Variants in TUNAR observed in about 807,000 individuals in gnomAD.
TUNAR encodes the protein protein TUNAR.
intron 2 of TUNAR, among the ~76,000 whole-genome samples, chr14:95,901,566 G>A (rs1326426126): frequency 6.6e-6 from 1 of 152,232 alleles, no homozygotes; most frequent in Non-Finnish European, 1.5e-5. Flanking sequence ...AGGGTTGACA[G>A]CCCTGGCGCC....
rs532058963 is a variant in TUNAR at position 95,916,957 on chromosome 14, A to G, written c.13-5824A>G. Among the ~76,000 whole-genome samples, 16 of 152,240 alleles carry G rather than the reference A, an allele frequency of 1.1e-4. No homozygotes were observed. The South Asian group carries it at 2.5e-3, about 24-fold the overall frequency. ...TTGCCCAGTTTTCTACTGGATATTT[A>G]TCATTTTCCTACTCATTTGAGACTA... On this transcript the variant is annotated intron_variant, in intron 2 of 2. Coordinates refer to ENST00000678517, the Ensembl canonical transcript of TUNAR.
intron 2 of TUNAR, among the ~76,000 whole-genome samples, chr14:95,886,579 C>T (rs1889080699): frequency 6.6e-6 from 1 of 152,234 alleles, no homozygotes. Flanking sequence ...GCATCCCGGG[C>T]AGTCAGCCTC....
At chr14:95,886,278 G>T (rs1413093614) in intron 2 of TUNAR, among the ~76,000 whole-genome samples, 1 of 152,222 alleles carries the variant, frequency 6.6e-6, no homozygotes, top group East Asian at 1.9e-4. Context: ...TGGAATCAAG[G>T]CGTGTGCCAC....
At chr14:95,919,367 A>G (rs1276982869) in intron 2 of TUNAR, among the ~76,000 whole-genome samples, 1 of 152,242 alleles carries the variant, frequency 6.6e-6, no homozygotes, top group African/African-American at 2.4e-5. Context: ...TAAAAACTGT[A>G]GTTAAAACAT....
intron 2 of TUNAR, among the ~76,000 whole-genome samples, chr14:95,880,904 T>G (rs974092542): frequency 6.6e-5 from 10 of 152,198 alleles, no homozygotes; most frequent in Non-Finnish European, 1.3e-4. Context: ...AAGTAGACAT[T>G]GTGAACCCTG....
intron 2 of TUNAR, among the ~76,000 whole-genome samples, chr14:95,903,506 C>G (rs1438925221): frequency 6.6e-6 from 1 of 152,216 alleles, no homozygotes; most frequent in African/African-American, 2.4e-5. Context: ...TTGTTCTGCT[C>G]GCAGAGTTCT....
intron 2 of TUNAR, among the ~76,000 whole-genome samples, chr14:95,883,379 C>G (rs1250246693): frequency 2.0e-5 from 3 of 152,222 alleles, no homozygotes; most frequent in African/African-American, 7.2e-5. Flanking sequence ...CTGGTCCCGT[C>G]TGGTTACTAG....
rs78151109 is a variant in TUNAR, at chr14:95,891,109, C to T, written c.12+13932C>T. Among the ~76,000 whole-genome samples, 477 of 152,370 alleles carry T rather than the reference C, an allele frequency of 3.1e-3. 4 individuals are homozygous for T. Among genetic ancestry groups the T allele is most frequent in the African/African-American group, 0.011 (446 of 41,588 alleles). ...GCCACGTGGAGGTCGAACTAACATT[C>T]GCAAATTAGAAATCTGTGTTGGCAA... On this transcript the variant is annotated intron_variant, in intron 2 of 2. Coordinates refer to ENST00000678517, the Ensembl canonical transcript of TUNAR.
In TUNAR at chr14:95,895,774, C is replaced by G. The variant is rs573768220; in HGVS notation, c.12+18597C>G. ...TGAACCACAGCACGTGCTGTTGCCC[C>G]CACTGGAACACTCTCCCGCTTCTCT... On this transcript the variant is annotated intron_variant, in intron 2 of 2. Transcript: ENST00000678517. The surrounding 1 kb of genome is among the most constrained non-coding windows in gnomAD (Gnocchi z 4.5). 6.6e-6 allele frequency: 1 copy of G among 152,488 alleles called. No homozygotes were observed. Among genetic ancestry groups the G allele is most frequent in the South Asian group, 2.1e-4 (1 of 4,818 alleles). The allele number at this position is 152,488 out of a possible 1,614,324, so 9.4% of individuals were successfully genotyped here.
chr14:95,905,647 C>A (rs1429988972), intron 2 of TUNAR, among the ~76,000 whole-genome samples: 1 of 152,176 alleles, frequency 6.6e-6, no homozygotes, highest in Non-Finnish European at 1.5e-5. Context: ...GTCTTTTCTT[C>A]GTAATTGATA....
intron 2 of TUNAR, among the ~76,000 whole-genome samples, chr14:95,882,166 A>G (rs1888990364): frequency 6.6e-6 from 1 of 152,238 alleles, no homozygotes; most frequent in Admixed American, 6.5e-5. Context: ...GAGGAATAAC[A>G]TTGCGTGTCC....
intron 2 of TUNAR, among the ~76,000 whole-genome samples, chr14:95,904,960 G>A (rs1595121892): frequency 6.6e-6 from 1 of 152,224 alleles, no homozygotes; most frequent in Non-Finnish European, 1.5e-5. Flanking sequence ...ATTCCACAAG[G>A]GCCCTGGAAG....
At chr14:95,920,048 G>A (rs1292753407) in intron 2 of TUNAR, among the ~76,000 whole-genome samples, 4 of 152,196 alleles carry the variant, frequency 2.6e-5, no homozygotes, top group African/African-American at 7.2e-5. Flanking sequence ...TAAATTTTGG[G>A]TGTAGTGATC....
chr14:95,879,990 C>T (rs1312747738), intron 2 of TUNAR, among the ~76,000 whole-genome samples: 1 of 152,032 alleles, frequency 6.6e-6, no homozygotes, highest in Admixed American at 6.5e-5. Context: ...CACACCTGGA[C>T]TGATCGGAGT....
exon 3 of TUNAR, chr14:95,923,743 C>G (rs1315435389): frequency 1.3e-5 from 2 of 152,182 alleles, no homozygotes; most frequent in Non-Finnish European, 2.9e-5. Flanking sequence ...TCCTCTCTCT[C>G]TGCCTCTTTG....
intron 2 of TUNAR, among the ~76,000 whole-genome samples, chr14:95,920,434 A>C (rs979801226): frequency 6.6e-6 from 1 of 152,142 alleles, no homozygotes; most frequent in Admixed American, 6.5e-5. Context: ...AAAAGCAGGA[A>C]AACCGAACGA....
chr14:95,892,221 T>A (rs546462235), intron 2 of TUNAR, among the ~76,000 whole-genome samples: 92 of 152,332 alleles, frequency 6.0e-4, no homozygotes, highest in Non-Finnish European at 1.0e-3. Context: ...GTCAGTGTTC[T>A]CCCATCCGTG....
intron 2 of TUNAR, among the ~76,000 whole-genome samples, chr14:95,894,591 A>G (rs1023999822): frequency 2.6e-5 from 4 of 152,146 alleles, no homozygotes; most frequent in Admixed American, 6.5e-5. Context: ...ACTGTTCCCA[A>G]TCGATTGAGA....
chr14:95,915,495 G>C (rs1889588290), intron 2 of TUNAR, among the ~76,000 whole-genome samples: 3 of 152,186 alleles, frequency 2.0e-5, no homozygotes, highest in Non-Finnish European at 4.4e-5. Flanking sequence ...CCAGGATCCA[G>C]ACCCATCCCC....
Sources: gnomAD v4.1 joint callset for allele counts (sites outside exome capture counted in the v4.1 genomes callset) on GRCh38, gnomAD v4.1.1 for gene constraint, Gnocchi (gnomAD v3.1) non-coding constraint, MANE v1.5 for transcripts, NCBI Gene and HGNC (gene_info 2026-07-23, HGNC 2026-07-21) for gene names.